The following GUCY2F variants were observed in gnomAD, a reference collection of about 807,000 sequenced individuals.
GUCY2F encodes the protein retinal guanylyl cyclase 2.
In GUCY2F, 61 loss-of-function variants were observed where a neutral mutation model predicts 73.1. That is an observed-to-expected ratio of 0.83 (90% confidence interval 0.68 to 1.03). The LOEUF is 1.03. Among genes scored for constraint, GUCY2F ranks in the 50% least tolerant of loss-of-function variants. The pLI is 0.00. For synonymous variants in GUCY2F, 331 were observed against 307.8 expected, an observed-to-expected ratio of 1.08 and a Z score of -0.79; for missense variants, 912 against 854.3, an observed-to-expected ratio of 1.07 and a Z score of -0.84.
chrX:109,480,342 T>C (rs1932757343), intron 1 of GUCY2F, among the ~76,000 whole-genome samples: 1 of 111,821 alleles, frequency 8.9e-6, no homozygotes, highest in Non-Finnish European at 1.9e-5. Context: ...GTGGTGTTTG[T>C]TCTCTCTTAA....
chrX:109,457,085 T>C (rs578251771), intron 3 of GUCY2F, among the ~76,000 whole-genome samples: 1 of 111,958 alleles, frequency 8.9e-6, no homozygotes, highest in South Asian at 3.8e-4. Flanking sequence ...ATTAAGCCCA[T>C]TGTTTTTGCC....
chrX:109,376,141 C>T lies in GUCY2F; in HGVS notation c.3177G>A (p.Trp1059Ter). Residue 1059 changes from tryptophan to a stop codon, truncating the protein, a stop_gained, in exon 18 of 20, where the codon TGG becomes TGA. Transcript: ENST00000218006. LOFTEE classifies it high-confidence loss of function. ...LKGKGTEETF[W>*]LIGKKGFMKP... ...TCATGAAGCCTTTTTTCCCAATCAG[C>T]CAGAAGGTTTCCTCTGTGCCTTTGC... The T allele has an allele frequency of 8.3e-7, 1 of 1,200,028 alleles. No homozygotes were observed. Among genetic ancestry groups the T allele is most frequent in the Admixed American group, 2.2e-5 (1 of 46,014 alleles).
chrX:109,471,358 A>G lies in GUCY2F; in HGVS notation c.730+3849T>C, dbSNP rs778094554. ...AGAATAGCCATTTGAAAAGTTCTCT[A>G]AAGAGCTGCAGGTAGGGCCTCCTGC... On this transcript the variant is annotated intron_variant, in intron 2 of 19. Coordinates refer to ENST00000218006, the MANE Select transcript of GUCY2F (RefSeq NM_001522.3). 1.3e-3 allele frequency among the ~76,000 whole-genome samples: 149 copies of G among 112,629 alleles called. 1 individual carries two copies. Among genetic ancestry groups the G allele is most frequent in the Non-Finnish European group, 2.3e-3 (123 of 53,269 alleles).
intron 2 of GUCY2F, among the ~76,000 whole-genome samples, chrX:109,474,506 A>G (rs1184056683): frequency 8.9e-6 from 1 of 112,223 alleles, no homozygotes; most frequent in Admixed American, 9.4e-5. Flanking sequence ...TAGTGGGTCA[A>G]GTCCTTTGCT....
At chrX:109,437,615 T>C (rs1931781574) in intron 7 of GUCY2F, among the ~76,000 whole-genome samples, 1 of 112,649 alleles carries the variant, frequency 8.9e-6, no homozygotes, top group Non-Finnish European at 1.9e-5. Context: ...GCTGCACATA[T>C]CAGAGAACTT....
chrX:109,431,906 G>GA (rs747439751), intron 7 of GUCY2F, among the ~76,000 whole-genome samples: 1,362 of 79,029 alleles, frequency 0.017, 23 homozygotes, highest in East Asian at 0.048. Flanking sequence ...TCAGCAGCTG[G>GA]AAAAAAAAAA....
At position 109,395,373 on chromosome X, in the gene GUCY2F, G is replaced by T; in HGVS notation, c.2392C>A (p.Gln798Lys). 1 of 1,208,182 alleles carries T rather than the reference G, an allele frequency of 8.3e-7. No individual in the cohort carries two copies. The highest frequency in any genetic ancestry group is 1.7e-5 in the African/African-American group (1 of 57,796). ...MKQCWAEAAE[Q>K]RPTFDEIFNQ... is the part of the protein sequence containing the mutation. ...AATATTTCATCAAAAGTTGGTCGTTGTTCTGCAGCCTCAGCCCAGCACTGC... is the reference window on the plus strand; with the variant it reads ...AATATTTCATCAAAAGTTGGTCGTTTTTCTGCAGCCTCAGCCCAGCACTGC... Residue 798 changes from glutamine to lysine, a missense_variant, in exon 12 of 20, where the codon CAA becomes AAA. Transcript: ENST00000218006.
In GUCY2F at chrX:109,475,815, A is replaced by G; in HGVS notation, c.122T>C (p.Val41Ala). 8.3e-7 allele frequency: 1 copy of G among 1,211,210 alleles called. No individual in the cohort carries two copies. Residue 41 changes from valine (V) to alanine (A), a missense_variant, in exon 2 of 20, where the codon GTC becomes GCC. Physicochemically the swap from Val to Ala is moderately conservative, Grantham distance 64 (BLOSUM62 0). Coordinates refer to ENST00000218006, the MANE Select transcript of GUCY2F (RefSeq NM_001522.3). The part of the protein sequence containing the change: ...KFLWCLCLLS[V>A]MSLPQQVWTL... ...CCACACCTGCTGCGGAAGGGACATG[A>G]CAGACAGAAGGCACAAGCACCACAG...
intron 7 of GUCY2F, among the ~76,000 whole-genome samples, chrX:109,436,226 C>A (rs1338548194): frequency 8.9e-6 from 1 of 111,883 alleles, no homozygotes; most frequent in African/African-American, 3.3e-5. Flanking sequence ...AAATCAAAGC[C>A]ACAATGAGAT....
intron 8 of GUCY2F, among the ~76,000 whole-genome samples, chrX:109,429,997 C>T (rs1273197769): frequency 8.9e-6 from 1 of 112,339 alleles, no homozygotes; most frequent in African/African-American, 3.2e-5. Context: ...AATCCTCATC[C>T]AACCTAAAGG....
At chrX:109,470,603 T>G (rs1285611460) in intron 2 of GUCY2F, among the ~76,000 whole-genome samples, 4 of 111,324 alleles carry the variant, frequency 3.6e-5, no homozygotes, top group Non-Finnish European at 7.5e-5. Flanking sequence ...ATAGTATTGG[T>G]CTATCAATAG....
At position 109,376,101 on chromosome X, in the gene GUCY2F, G is replaced by A. The variant is rs1178978370; in HGVS notation, c.3217C>T (p.Pro1073Ser). 9.2e-6 allele frequency: 11 copies of A among 1,199,973 alleles called. No individual in the cohort carries two copies. Among genetic ancestry groups the A allele is most frequent in the Non-Finnish European group, 1.2e-5 (11 of 885,689 alleles). ...KKGFMKPLPV[P>S]PPVDKDGQVG... ...TACCCATCTTTGTCCACTGGTGGGG[G>A]CACAGGAAGGGGCTTCATGAAGCCT... is the stretch of plus-strand genomic sequence containing the variant. Residue 1073 changes from proline to serine, a missense_variant, in exon 18 of 20, where the codon CCC becomes TCC. Transcript: ENST00000218006.
chrX:109,480,238 AAAC>A (rs985163751), intron 1 of GUCY2F, among the ~76,000 whole-genome samples: 3 of 111,767 alleles, frequency 2.7e-5, no homozygotes, highest in African/African-American at 9.8e-5. Context: ...AATGGAGAGA[AAAC>A]AACTCTAAAG....
At chrX:109,447,719 A>C (rs1487451332) in intron 6 of GUCY2F, among the ~76,000 whole-genome samples, 1 of 109,576 alleles carries the variant, frequency 9.1e-6, no homozygotes, top group Non-Finnish European at 1.9e-5. Flanking sequence ...GCACATGTAT[A>C]CATATGTAAC....
chrX:109,452,891 A>T (rs1220572450), intron 4 of GUCY2F, among the ~76,000 whole-genome samples: 1 of 111,725 alleles, frequency 9.0e-6, no homozygotes, highest in Non-Finnish European at 1.9e-5. Flanking sequence ...AACTGCAAGT[A>T]TTTACTGGAT....
At chrX:109,427,655 C>T (rs1371420590) in intron 8 of GUCY2F, among the ~76,000 whole-genome samples, 2 of 112,150 alleles carry the variant, frequency 1.8e-5, no homozygotes, top group Non-Finnish European at 3.8e-5. Context: ...ACACTATGAT[C>T]AGATCCACCT....
At chrX:109,416,477 T>TA (rs1931243772) in intron 8 of GUCY2F, among the ~76,000 whole-genome samples, 1 of 98,196 alleles carries the variant, frequency 1.0e-5, no homozygotes, top group South Asian at 5.2e-4. Flanking sequence ...GAGAGATCAA[T>TA]AAAAAATACC....
chrX:109,394,828 C>T (rs1018534567), intron 12 of GUCY2F, among the ~76,000 whole-genome samples: 1 of 111,989 alleles, frequency 8.9e-6, no homozygotes, highest in Non-Finnish European at 1.9e-5. Context: ...CCTGCTTTTG[C>T]ACGCCACATT....
intron 9 of GUCY2F, 61 bp from the exon 10 acceptor site, chrX:109,404,545 C>A: frequency 1.2e-6 from 1 of 805,930 alleles, no homozygotes; most frequent in South Asian, 2.6e-5. Flanking sequence ...GCTTTTAACA[C>A]CAATTTCTGA....
Sources: gnomAD v4.1 joint callset for allele counts (sites outside exome capture counted in the v4.1 genomes callset) on GRCh38, gnomAD v4.1.1 for gene constraint, MANE v1.5 for transcripts, NCBI Gene and HGNC (gene_info 2026-07-23, HGNC 2026-07-21) for gene names.